COL9A1: variants seen among roughly 807,000 people sequenced by gnomAD.
COL9A1 encodes collagen alpha-1(IX) chain.
COL9A1 carries 104 observed loss-of-function variants against 142.6 expected under a neutral mutation model. The ratio of observed to expected loss-of-function variants is 0.73; its 90% confidence interval spans 0.62 to 0.86. COL9A1 has a LOEUF of 0.86. Ranked by LOEUF, COL9A1 falls within the 40% of genes least tolerant of loss-of-function variation. The probability of loss-of-function intolerance (pLI) is 0.00; values close to 1 mark genes in which losing one functional copy is unlikely to be tolerated. For missense variants in COL9A1, 1,210 were observed against 1,176.6 expected (o/e 1.03, Z -0.42); for synonymous variants, 466 against 396.0 (o/e 1.18, Z -2.10).
intron 35 of COL9A1, among the ~76,000 whole-genome samples, chr6:70,233,147 A>T (rs1229248988): frequency 6.8e-6 from 1 of 148,102 alleles, no homozygotes; most frequent in African/African-American, 2.4e-5. Flanking sequence ...GGGAAGAAAA[A>T]TGAGTTTCTT....
At chr6:70,238,242 T>C (rs1770036194) in intron 33 of COL9A1, among the ~76,000 whole-genome samples, 1 of 152,138 alleles carries the variant, frequency 6.6e-6, no homozygotes, top group African/African-American at 2.4e-5. Flanking sequence ...ACTTGGAAAC[T>C]TATGGAAGCT....
At chr6:70,230,871 T>G (rs1246425276) in intron 36 of COL9A1, among the ~76,000 whole-genome samples, 1 of 152,244 alleles carries the variant, frequency 6.6e-6, no homozygotes, top group Non-Finnish European at 1.5e-5. Context: ...AGCTTTAGAC[T>G]GTCCTAGCTT....
intron 35 of COL9A1, among the ~76,000 whole-genome samples, chr6:70,233,817 C>T (rs1179456496): frequency 6.6e-6 from 1 of 152,176 alleles, no homozygotes; most frequent in Admixed American, 6.5e-5. Flanking sequence ...AGTGAACATA[C>T]AAAAGAGTAT....
intron 20 of COL9A1, among the ~76,000 whole-genome samples, chr6:70,259,512 C>T (rs758067977): frequency 4.5e-4 from 69 of 152,280 alleles, no homozygotes; most frequent in African/African-American, 1.6e-3. Flanking sequence ...CACTTCTGAA[C>T]GCATCATGAT....
intron 10 of COL9A1, among the ~76,000 whole-genome samples, chr6:70,277,842 G>T (rs1031445887): frequency 2.0e-5 from 3 of 152,142 alleles, no homozygotes; most frequent in Non-Finnish European, 2.9e-5. Context: ...AAGAGCAGAA[G>T]ACGAAATGAT....
intron 14 of COL9A1, among the ~76,000 whole-genome samples, chr6:70,271,395 A>G (rs1462622969): frequency 6.6e-6 from 1 of 152,214 alleles, no homozygotes; most frequent in Non-Finnish European, 1.5e-5. Context: ...GAGAGTCTGT[A>G]AAATGAGGAC....
intron 5 of COL9A1, among the ~76,000 whole-genome samples, chr6:70,292,410 C>T (rs1230167489): frequency 6.6e-6 from 1 of 152,152 alleles, no homozygotes; most frequent in Non-Finnish European, 1.5e-5. Context: ...GAATGTAAAA[C>T]CAGCTGCCAG....
At chr6:70,254,715 A>G in intron 24 of COL9A1, 186 bp from the exon 25 acceptor site, 1 of 682,196 alleles carries the variant, frequency 1.5e-6, no homozygotes, top group Non-Finnish European at 2.5e-6. Flanking sequence ...AATTCAACCA[A>G]AATGCACAGT....
At chr6:70,227,986 A>T (rs1028706484) in intron 36 of COL9A1, among the ~76,000 whole-genome samples, 3 of 152,144 alleles carry the variant, frequency 2.0e-5, no homozygotes, top group Admixed American at 2.0e-4. Flanking sequence ...AAAGAATAGT[A>T]TTGATTACCT....
At chr6:70,281,890 C>T (rs1179208804) in intron 7 of COL9A1, among the ~76,000 whole-genome samples, 2 of 152,138 alleles carry the variant, frequency 1.3e-5, no homozygotes, top group Non-Finnish European at 2.9e-5. Flanking sequence ...AGAACAGAGA[C>T]TCCACACCAG....
chr6:70,244,904 A>G (rs1770496439), intron 28 of COL9A1, among the ~76,000 whole-genome samples: 1 of 152,208 alleles, frequency 6.6e-6, no homozygotes, highest in Non-Finnish European at 1.5e-5. Context: ...TCAGAGACCC[A>G]CATACACAGC....
chr6:70,252,011 T>C (rs1770975187), intron 28 of COL9A1, 109 bp downstream of exon 28: 4 of 1,137,220 alleles, frequency 3.5e-6, no homozygotes, highest in Non-Finnish European at 4.0e-6. Context: ...TGGACTAGCA[T>C]GGGCTCAAAC....
At position 70,254,958 on chromosome 6, in the gene COL9A1, C is replaced by G; in HGVS notation, c.1665+5G>C. 1.2e-6 allele frequency: 2 copies of G among 1,614,074 alleles called. No homozygotes were observed. The highest frequency in any genetic ancestry group is 1.7e-6 in the Non-Finnish European group (2 of 1,179,934). ...CTCACTCTTGGAGTAAATTACACAGCCTACCTTTGTTCCAGGCATTCCAGG... is the reference window on the plus strand; with the variant it reads ...CTCACTCTTGGAGTAAATTACACAGGCTACCTTTGTTCCAGGCATTCCAGG... On this transcript the variant is annotated splice_donor_5th_base_variant and intron_variant, in intron 24 of 37. Coordinates refer to ENST00000357250, the MANE Select transcript of COL9A1 (RefSeq NM_001851.6).
intron 37 of COL9A1, among the ~76,000 whole-genome samples, chr6:70,223,091 G>A (rs1583200635): frequency 6.6e-6 from 1 of 152,148 alleles, no homozygotes; most frequent in Admixed American, 6.5e-5. Flanking sequence ...GACTTTCATG[G>A]AGGGAAGGTC....
At chr6:70,234,968 C>T (rs1769813157) in intron 33 of COL9A1, 28 bp from the exon 34 acceptor site, 1 of 1,614,038 alleles carries the variant, frequency 6.2e-7, no homozygotes, top group Middle Eastern at 1.6e-4. Context: ...ACTATCAAAC[C>T]AGGGCTAAGC....
intron 18 of COL9A1, among the ~76,000 whole-genome samples, chr6:70,266,132 T>C (rs961233452): frequency 6.6e-6 from 1 of 152,226 alleles, no homozygotes; most frequent in African/African-American, 2.4e-5. Flanking sequence ...CCTTAGTTTT[T>C]CTGCAGGGCA....
At chr6:70,272,219 C>A in intron 12 of COL9A1, 131 bp from the exon 13 acceptor site, 1 of 719,568 alleles carries the variant, frequency 1.4e-6, no homozygotes, top group Admixed American at 2.8e-5. Flanking sequence ...AAAGAAAGCA[C>A]TGAATAAAGA....
chr6:70,262,845 A>C lies in COL9A1; in HGVS notation c.1395+399T>G, dbSNP rs148190751. ...ATTATAATGATTGCATACTGGAATA[A>C]GCTACATTAATCCAATAAATGATAT... On this transcript the variant is annotated intron_variant, in intron 19 of 37. Coordinates refer to ENST00000357250, the MANE Select transcript of COL9A1 (RefSeq NM_001851.6). Among the ~76,000 whole-genome samples, 125 of 152,358 alleles carry C rather than the reference A, an allele frequency of 8.2e-4. 3 individuals carry two copies. Among genetic ancestry groups the C allele is most frequent in the African/African-American group, 3.0e-3 (123 of 41,586 alleles).
In COL9A1 at chr6:70,270,345, G is replaced by T. The variant is rs775949452; in HGVS notation, c.1166C>A (p.Pro389Gln). 2 of 1,613,760 alleles carry T rather than the reference G, an allele frequency of 1.2e-6. No homozygotes were observed. Among genetic ancestry groups the T allele is most frequent in the Non-Finnish European group, 1.7e-6 (2 of 1,179,862 alleles). Residue 389 changes from proline to glutamine, a missense_variant, in exon 15 of 38, where the codon CCA (proline) becomes CAA (glutamine). Transcript: ENST00000357250. The stretch of plus-strand genomic sequence containing the variant: ...TCCTGGGGGGCCAGGGGGGCCAGGT[G>T]GTCCTCTTCTCCCAGGGTCACCCTA... ...GPVGDPGRRG[P>Q]PGPPGPPGPR...
Sources: gnomAD v4.1 joint callset for allele counts (sites outside exome capture counted in the v4.1 genomes callset) on GRCh38, gnomAD v4.1.1 for gene constraint, MANE v1.5 for transcripts, NCBI Gene and HGNC (gene_info 2026-07-23, HGNC 2026-07-21) for gene names.